Variants in RP1L1 observed in about 807,000 individuals in gnomAD.
RP1L1 encodes RP1 like 1.
In RP1L1, 27 loss-of-function variants were observed where a neutral mutation model predicts 15.7. That is an observed-to-expected ratio of 1.72 (90% CI 1.27 to 2.38). RP1L1 has a LOEUF of 2.38. Ranked by LOEUF, RP1L1 falls within the 30% of genes most tolerant of loss-of-function variation. The pLI, the probability that RP1L1 is intolerant of heterozygous loss-of-function variation, is 0.00. For synonymous variants in RP1L1, 1,813 were observed against 1,276.7 expected (o/e 1.42, Z -8.96); for missense variants, 4,798 against 3,075.9 (o/e 1.56, Z -13.24).
intron 1 of RP1L1, among the ~76,000 whole-genome samples, chr8:10,628,757 T>C (rs868565715): frequency 1.3e-5 from 2 of 152,342 alleles, no homozygotes; most frequent in Middle Eastern, 6.8e-3. Flanking sequence ...TGACAACTCA[T>C]GGACTGGAAG....
rs1798017746 is a variant in RP1L1 at position 10,619,067 on chromosome 8, C to T, written c.610-2480G>A. Among the ~76,000 whole-genome samples the T allele has an allele frequency of 2.0e-5, 3 of 152,024 alleles. 1 individual carries two copies. In the South Asian group the frequency reaches 6.2e-4, roughly 32 times the overall value. ...AAATTTTTAGTAGAGATGGGGTTTC[C>T]CCATGTTGCCCAGGCTGGTCTCAAA... is the stretch of plus-strand genomic sequence containing the variant. On this transcript the variant is annotated intron_variant, in intron 2 of 3. Transcript: ENST00000382483.
intron 1 of RP1L1, among the ~76,000 whole-genome samples, chr8:10,647,601 C>T (rs919183795): frequency 6.6e-6 from 1 of 152,202 alleles, no homozygotes; most frequent in African/African-American, 2.4e-5. Flanking sequence ...TTTGTCCTTT[C>T]GTGACTGGCT....
At chr8:10,649,568 G>C (rs982692993) in intron 1 of RP1L1, among the ~76,000 whole-genome samples, 1 of 152,130 alleles carries the variant, frequency 6.6e-6, no homozygotes, top group Non-Finnish European at 1.5e-5. Context: ...TCTTGGGAAG[G>C]CTCACAAATA....
At chr8:10,614,296 G>A (rs1436831205) in intron 3 of RP1L1, among the ~76,000 whole-genome samples, 1 of 152,220 alleles carries the variant, frequency 6.6e-6, no homozygotes, top group Non-Finnish European at 1.5e-5. Flanking sequence ...CTCAGGTCCT[G>A]CTAGTCAAGC....
Position 10,608,235 on chromosome 8 carries a change from G to A in RP1L1, c.5863C>T (p.Gln1955Ter), listed in dbSNP as rs748587193. The change falls in exon 4 of 4, where the codon CAG becomes TAG. Residue 1955 changes from glutamine to a stop codon, truncating the protein, a stop_gained. Coordinates refer to ENST00000382483, the MANE Select transcript of RP1L1 (RefSeq NM_178857.6). LOFTEE classifies it low-confidence loss of function (END_TRUNC). Reference protein sequence around the residue: ...EAAQEAEGQTQPESEVIESQE... With the variant: ...EAAQEAEGQT Reference sequence around the variant, plus strand: ...GACTCTATAACTTCTGACTCTGGCTGGGTCTGCCCTTCTGCCTCCTGGGCC... The same window carrying A: ...GACTCTATAACTTCTGACTCTGGCTAGGTCTGCCCTTCTGCCTCCTGGGCC... 18 of 1,566,410 alleles carry A rather than the reference G, an allele frequency of 1.1e-5. 1 individual carries two copies. In the South Asian group the frequency reaches 1.9e-4, roughly 17 times the overall value.
At chr8:10,616,409 T>G in intron 3 of RP1L1, 37 bp downstream of exon 3, 1 of 1,613,972 alleles carries the variant, frequency 6.2e-7, no homozygotes. Context: ...CACCATGCAG[T>G]GCAAATCAGA....
At chr8:10,641,363 T>C (rs1798404236) in intron 1 of RP1L1, among the ~76,000 whole-genome samples, 1 of 152,230 alleles carries the variant, frequency 6.6e-6, no homozygotes, top group African/African-American at 2.4e-5. Context: ...TTCTCTGGAC[T>C]GACAGTGACC....
chr8:10,620,776 C>A (rs1248456063), intron 2 of RP1L1, among the ~76,000 whole-genome samples: 3 of 152,222 alleles, frequency 2.0e-5, no homozygotes, highest in African/African-American at 7.2e-5. Flanking sequence ...TACTATTACA[C>A]AATGGGATAG....
intron 2 of RP1L1, among the ~76,000 whole-genome samples, chr8:10,620,561 G>A (rs1005388203): frequency 5.3e-5 from 8 of 152,184 alleles, no homozygotes; most frequent in African/African-American, 1.2e-4. Flanking sequence ...AGCCGAGATC[G>A]CGCCACTGCA....
intron 2 of RP1L1, chr8:10,621,553 T>C (rs1010534128): frequency 3.5e-5 from 13 of 366,268 alleles, no homozygotes; most frequent in African/African-American, 2.8e-4. Flanking sequence ...CTCGAACTCC[T>C]GACCTCAGGT....
chr8:10,618,769 C>T (rs1422628537), intron 2 of RP1L1, among the ~76,000 whole-genome samples: 2 of 152,130 alleles, frequency 1.3e-5, no homozygotes, highest in African/African-American at 4.8e-5. Flanking sequence ...GAATGCTATG[C>T]CCCATACCAG....
chr8:10,651,319 C>T (rs549631238), intron 1 of RP1L1, among the ~76,000 whole-genome samples: 3 of 152,318 alleles, frequency 2.0e-5, no homozygotes, highest in South Asian at 2.1e-4. Flanking sequence ...AGTGCTGCAG[C>T]GCTCTCTCTC....
intron 1 of RP1L1, among the ~76,000 whole-genome samples, chr8:10,653,148 A>T (rs1396100270): frequency 6.6e-6 from 1 of 152,232 alleles, no homozygotes; most frequent in Non-Finnish European, 1.5e-5. Flanking sequence ...TACTTATTCA[A>T]TGACACAGGT....
chr8:10,631,347 A>ACACACGCC (rs1798244733), intron 1 of RP1L1, among the ~76,000 whole-genome samples: 1 of 52,980 alleles, frequency 1.9e-5, no homozygotes, highest in African/African-American at 4.8e-5. Flanking sequence ...ACACACACGC[A>ACACACGCC]CACACATGCA....
Position 10,610,366 on chromosome 8 carries a change from A to C in RP1L1, c.3732T>G (p.Tyr1244Ter), listed in dbSNP as rs373278754. 6.2e-7 allele frequency: 1 copy of C among 1,614,088 alleles called. No individual in the cohort carries two copies. The highest frequency in any genetic ancestry group is 1.6e-4 in the Middle Eastern group (1 of 6,062). The change falls in exon 4 of 4, where the codon TAT (tyrosine) becomes TAG (stop). Residue 1244 changes from tyrosine (Y) to a stop codon, truncating the protein, a stop_gained. Coordinates refer to ENST00000382483, the MANE Select transcript of RP1L1 (RefSeq NM_178857.6). LOFTEE classifies it low-confidence loss of function (END_TRUNC). ...GGTTTTCCAGATCCCCTGGGCTCTC[A>C]TAAGTTCTTGAATCAGGCCTCTGGT... is the stretch of plus-strand genomic sequence containing the variant. ...TSNQRPDSRT[Y>*]ESPGDLENQQ...
At chr8:10,633,216 GC>G (rs1456903161) in intron 1 of RP1L1, among the ~76,000 whole-genome samples, 1 of 152,154 alleles carries the variant, frequency 6.6e-6, no homozygotes, top group African/African-American at 2.4e-5. Flanking sequence ...AGGAATGCTG[GC>G]CTCACAAAGC....
chr8:10,627,106 C>T (rs1274389256), intron 1 of RP1L1, among the ~76,000 whole-genome samples: 2 of 152,138 alleles, frequency 1.3e-5, no homozygotes, highest in Admixed American at 6.5e-5. Flanking sequence ...ATAGAATTGC[C>T]ACATGATCCA....
chr8:10,651,755 T>TAAAA (rs56269757), intron 1 of RP1L1, among the ~76,000 whole-genome samples: 5 of 101,738 alleles, frequency 4.9e-5, no homozygotes, highest in South Asian at 3.1e-4. Flanking sequence ...GACTCCGTCT[T>TAAAA]AAAAAAAAAA....
rs1162974578 is a variant in RP1L1, at chr8:10,610,958, G to T, written c.3140C>A (p.Ala1047Asp). Residue 1047 changes from alanine (A) to aspartate (D), a missense_variant, in exon 4 of 4, where the codon GCT (alanine) becomes GAT (aspartate). By Grantham distance (126) the Ala-to-Asp change is moderately radical. Coordinates refer to ENST00000382483, the MANE Select transcript of RP1L1 (RefSeq NM_178857.6). ...AGGGGCCTCGGAAACTCCCTCTGGA[G>T]CTGCCCCTTGGGGGACACCCTCTCC... ...QSGEGVPQGA[A>D]PEGVSEAPAE... The T allele has an allele frequency of 6.2e-7, 1 of 1,612,092 alleles. No individual in the cohort carries two copies. Among genetic ancestry groups the T allele is most frequent in the East Asian group, 2.2e-5 (1 of 44,840 alleles).
Sources: gnomAD v4.1 joint callset for allele counts (sites outside exome capture counted in the v4.1 genomes callset) on GRCh38, gnomAD v4.1.1 for gene constraint, MANE v1.5 for transcripts, NCBI Gene and HGNC (gene_info 2026-07-23, HGNC 2026-07-21) for gene names.